KLF12: variants seen among roughly 807,000 people sequenced by gnomAD.
KLF12 encodes the protein Krueppel-like factor 12.
KLF12 carries 9 observed loss-of-function variants against 37.8 expected under a neutral mutation model. That is an observed-to-expected ratio of 0.24 (90% CI 0.14 to 0.42). The LOEUF is 0.42. Among genes scored for constraint, KLF12 ranks in the 10% least tolerant of loss-of-function variants. The pLI is 1.00. For missense variants in KLF12, 411 were observed against 516.0 expected (o/e 0.80, Z 1.97); for synonymous variants, 208 against 202.1 (o/e 1.03, Z -0.25).
chr13:74,193,618 C>A, the KLF12 span, among the ~76,000 whole-genome samples: 1 of 152,160 alleles, frequency 6.6e-6, no homozygotes, highest in Non-Finnish European at 1.5e-5. Context: ...TTCCTCCAAG[C>A]CTTCATCTAC....
intron 4 of KLF12, among the ~76,000 whole-genome samples, chr13:73,824,824 T>C (rs1170392269): frequency 1.3e-5 from 2 of 152,124 alleles, no homozygotes; most frequent in Non-Finnish European, 2.9e-5. Context: ...TCCCAGCACT[T>C]TGAGAGGCTG....
chr13:73,774,386 T>G (rs1197211457), intron 5 of KLF12, among the ~76,000 whole-genome samples: 1 of 151,934 alleles, frequency 6.6e-6, no homozygotes, highest in East Asian at 1.9e-4. Flanking sequence ...TGATGTACCT[T>G]AAAGAAAAGC....
the KLF12 span, among the ~76,000 whole-genome samples, chr13:74,233,421 C>T: frequency 5.3e-5 from 8 of 152,198 alleles, no homozygotes; most frequent in South Asian, 2.1e-4. Flanking sequence ...CAGAAAAACA[C>T]GAGAGTGCCT....
At chr13:74,244,980 C>T in the KLF12 span, among the ~76,000 whole-genome samples, 1 of 152,090 alleles carries the variant, frequency 6.6e-6, no homozygotes, top group African/African-American at 2.4e-5. Context: ...GATAGATTAA[C>T]ATATTTAGGA....
intron 1 of KLF12, among the ~76,000 whole-genome samples, chr13:74,061,049 T>C (rs927265669): frequency 3.3e-5 from 5 of 152,178 alleles, no homozygotes; most frequent in Non-Finnish European, 5.9e-5. Context: ...CAAACAAAAA[T>C]GCAGCTATCG....
chr13:73,836,050 A>G (rs1322178908), intron 4 of KLF12, among the ~76,000 whole-genome samples: 1 of 152,214 alleles, frequency 6.6e-6, no homozygotes, highest in East Asian at 1.9e-4. Context: ...AGAAAAAAAA[A>G]AAGGTGAAGC....
chr13:73,894,112 T>G (rs1342094361), intron 3 of KLF12, among the ~76,000 whole-genome samples: 1 of 152,186 alleles, frequency 6.6e-6, no homozygotes, highest in East Asian at 1.9e-4. Flanking sequence ...TGTAGTTGTC[T>G]GTCAATGCCT....
At chr13:73,713,669 A>C (rs548723839) in intron 7 of KLF12, among the ~76,000 whole-genome samples, 1 of 152,376 alleles carries the variant, frequency 6.6e-6, no homozygotes, top group African/African-American at 2.4e-5. Flanking sequence ...ATTACAATGC[A>C]TAAATGATGT....
rs569063493 is a variant in KLF12 at position 73,687,001 on chromosome 13, C to T, written c.*8489G>A. ...AAGAACATGACGTTAGAATTGACCC[C>T]CACACACCAAGAACAACGTCTAGAC... On this transcript the variant is annotated 3_prime_UTR_variant, in exon 8 of 8. Coordinates refer to ENST00000377669, the MANE Select transcript of KLF12 (RefSeq NM_007249.5). 1 of 152,452 alleles carries T rather than the reference C, an allele frequency of 6.6e-6. No homozygotes were observed. The highest frequency in any genetic ancestry group is 1.9e-4 in the East Asian group (1 of 5,176). 9.4% of individuals were successfully genotyped at this position (152,452 alleles called of 1,614,324 possible). A position where few individuals can be genotyped will look rare whatever the true frequency, so the allele number is the denominator to read the frequency against.
chr13:73,827,687 C>T (rs780205579), intron 4 of KLF12, among the ~76,000 whole-genome samples: 6 of 152,188 alleles, frequency 3.9e-5, no homozygotes, highest in Admixed American at 6.5e-5. Flanking sequence ...CTCAGCCTCC[C>T]AGGGAGCTGG....
intron 6 of KLF12, among the ~76,000 whole-genome samples, chr13:73,740,361 C>T (rs1399164667): frequency 1.3e-5 from 2 of 152,092 alleles, no homozygotes; most frequent in African/African-American, 2.4e-5. Flanking sequence ...TCCAGAACCA[C>T]GACAAATAAA....
At chr13:73,834,524 T>G (rs1478078596) in intron 4 of KLF12, among the ~76,000 whole-genome samples, 1 of 152,258 alleles carries the variant, frequency 6.6e-6, no homozygotes, top group Non-Finnish European at 1.5e-5. Flanking sequence ...TTATTTTACT[T>G]TTATGAGACA....
At position 73,714,712 on chromosome 13, in the gene KLF12, C is replaced by T. The variant is rs569752781; in HGVS notation, c.1027+656G>A. Among the ~76,000 whole-genome samples the T allele has an allele frequency of 2.0e-4, 30 of 152,230 alleles. 1 individual carries two copies. Among genetic ancestry groups the T allele is most frequent in the South Asian group, 2.1e-4 (1 of 4,828 alleles). ...GATGCCAGCTGAGGGACACAGAAGG[C>T]AGAGGATGGGGTGGGCAGGGGCTAA... On this transcript the variant is annotated intron_variant, in intron 7 of 7. Coordinates refer to ENST00000377669, the MANE Select transcript of KLF12 (RefSeq NM_007249.5).
chr13:74,165,306 T>C, the KLF12 span, among the ~76,000 whole-genome samples: 3,948 of 146,030 alleles, frequency 0.027, 75 homozygotes, highest in Middle Eastern at 0.076. Flanking sequence ...TTTCTTTTTT[T>C]TTTTTTTTTT....
chr13:74,251,867 C>T, the KLF12 span, among the ~76,000 whole-genome samples: 1 of 152,196 alleles, frequency 6.6e-6, no homozygotes, highest in Non-Finnish European at 1.5e-5. Context: ...GGCTGCATGA[C>T]TTAAGACAGC....
At chr13:73,825,399 C>T (rs1883780898) in intron 4 of KLF12, among the ~76,000 whole-genome samples, 2 of 152,160 alleles carry the variant, frequency 1.3e-5, no homozygotes. Context: ...TCGAGACAGT[C>T]CAGGTGCAGC....
At chr13:74,154,272 A>C in the KLF12 span, among the ~76,000 whole-genome samples, 2 of 152,158 alleles carry the variant, frequency 1.3e-5, no homozygotes, top group Non-Finnish European at 2.9e-5. Flanking sequence ...TAGGGCCTTG[A>C]AAAAGGTAAA....
At chr13:73,988,148 G>T (rs1891877754) in intron 2 of KLF12, among the ~76,000 whole-genome samples, 1 of 152,172 alleles carries the variant, frequency 6.6e-6, no homozygotes, top group African/African-American at 2.4e-5. Context: ...TCTTTAAGAA[G>T]AAATTTTTCA....
chr13:74,076,602 A>G (rs1386380035), intron 1 of KLF12, among the ~76,000 whole-genome samples: 1 of 152,054 alleles, frequency 6.6e-6, no homozygotes, highest in Non-Finnish European at 1.5e-5. Flanking sequence ...TAGAGATCCC[A>G]CCTCTTAATA....
Sources: allele counts gnomAD v4.1 joint callset (sites outside exome capture counted in the v4.1 genomes callset), GRCh38; gene constraint gnomAD v4.1.1; transcripts MANE v1.5; gene names NCBI Gene and HGNC (gene_info 2026-07-23, HGNC 2026-07-21).